KCMF1: variants seen among roughly 807,000 people sequenced by gnomAD.
KCMF1 encodes E3 ubiquitin-protein ligase KCMF1.
In KCMF1, 3 loss-of-function variants were observed where a neutral mutation model predicts 41.1. The ratio of observed to expected loss-of-function variants is 0.07; its 90% confidence interval spans 0.03 to 0.19. The LOEUF is 0.19. KCMF1 is among the 10% of genes least tolerant of loss of function. The pLI is 1.00. For missense variants in KCMF1, 286 were observed against 488.9 expected, an observed-to-expected ratio of 0.58 and a Z score of 3.91; for synonymous variants, 142 against 164.5, an observed-to-expected ratio of 0.86 and a Z score of 1.04.
At chr2:85,033,232 A>G (rs561562161) in intron 2 of KCMF1, among the ~76,000 whole-genome samples, 10 of 152,326 alleles carry the variant, frequency 6.6e-5, no homozygotes, top group Non-Finnish European at 1.0e-4. Context: ...CACGTAATGA[A>G]CACTTTCTTC....
chr2:85,020,716 G>A (rs1444954092), intron 1 of KCMF1, among the ~76,000 whole-genome samples: 1 of 152,134 alleles, frequency 6.6e-6, no homozygotes, highest in Non-Finnish European at 1.5e-5. Context: ...ACAGGCCTGA[G>A]CCACTGCGCC....
chr2:84,973,681 G>A (rs528665623), intron 1 of KCMF1, among the ~76,000 whole-genome samples: 1 of 152,226 alleles, frequency 6.6e-6, no homozygotes, highest in Admixed American at 6.5e-5. Context: ...TGTCATTATT[G>A]TCATCAGTAA....
chr2:85,045,310 T>C (rs1675637547), intron 4 of KCMF1, among the ~76,000 whole-genome samples: 1 of 152,020 alleles, frequency 6.6e-6, no homozygotes, highest in Non-Finnish European at 1.5e-5. Context: ...TCATATCACT[T>C]TCTCTAGAAC....
rs1676012156 is a variant in KCMF1, at chr2:85,059,425, T to A, written c.*6016T>A. The A allele has an allele frequency of 6.6e-6, 1 of 152,214 alleles. No homozygotes were observed. The highest frequency in any genetic ancestry group is 2.4e-5 in the African/African-American group (1 of 41,458). The allele number at this position is 152,214 out of a possible 1,614,324, so 9.4% of individuals were successfully genotyped here. A position where few individuals can be genotyped will look rare whatever the true frequency, so the allele number is the denominator to read the frequency against. On this transcript the variant is annotated 3_prime_UTR_variant, in exon 7 of 7. Transcript: ENST00000409785. Reference sequence around the variant, plus strand: ...TTACCTTTTATAACATCACCACCTGTCATGAAGCTTATCTGTTTTCTGATT... The same window carrying A: ...TTACCTTTTATAACATCACCACCTGACATGAAGCTTATCTGTTTTCTGATT...
chr2:85,049,177 A>G (rs1014835970), intron 5 of KCMF1, among the ~76,000 whole-genome samples, 189 bp from the exon 6 acceptor site: 2 of 152,260 alleles, frequency 1.3e-5, no homozygotes, highest in African/African-American at 4.8e-5. Context: ...ATGCATTTGC[A>G]TTCTCTGTCC....
chr2:85,002,508 T>A (rs1674358197), intron 1 of KCMF1, among the ~76,000 whole-genome samples: 1 of 152,222 alleles, frequency 6.6e-6, no homozygotes, highest in South Asian at 2.1e-4. Flanking sequence ...TGGTTTTTCC[T>A]AATGTTAATA....
intron 1 of KCMF1, among the ~76,000 whole-genome samples, chr2:84,996,655 C>G (rs1674183447): frequency 2.6e-5 from 4 of 152,028 alleles, no homozygotes; most frequent in Admixed American, 2.6e-4. Flanking sequence ...AGACTCGTCT[C>G]AAACTCCTGA....
chr2:85,034,070 C>A (rs1204893767), intron 2 of KCMF1, among the ~76,000 whole-genome samples: 1 of 151,610 alleles, frequency 6.6e-6, no homozygotes, highest in Non-Finnish European at 1.5e-5. Context: ...ATGGCACACA[C>A]CTGTAGTTCA....
In KCMF1 at chr2:85,049,593, G is replaced by A. The variant is rs1244587389; in HGVS notation, c.829G>A (p.Ala277Thr). 3 of 1,613,888 alleles carry A rather than the reference G, an allele frequency of 1.9e-6. No homozygotes were observed. The South Asian group carries it at 3.3e-5, about 18-fold the overall frequency. ...ACAATCCACAGCAACAACCAACATA[G>A]CTAATACAGAAAGCAGTCAGCAGAC... ...ITQSTATTNI[A>T]NTESSQQTLQ... is the part of the protein sequence containing the mutation. Residue 277 changes from alanine to threonine, a missense_variant, in exon 6 of 7, where the codon GCT becomes ACT. Coordinates refer to ENST00000409785, the MANE Select transcript of KCMF1 (RefSeq NM_020122.5).
intron 1 of KCMF1, among the ~76,000 whole-genome samples, chr2:85,022,725 A>G (rs1166658001): frequency 6.6e-6 from 1 of 152,198 alleles, no homozygotes; most frequent in Non-Finnish European, 1.5e-5. Flanking sequence ...TTGCATTTCA[A>G]GATCCGTAAA....
At chr2:84,983,502 T>C (rs1018225062) in intron 1 of KCMF1, among the ~76,000 whole-genome samples, 1 of 151,882 alleles carries the variant, frequency 6.6e-6, no homozygotes, top group African/African-American at 2.4e-5. Context: ...AACTTTTGTT[T>C]TGTTTTTTTT....
chr2:85,028,484 T>C (rs1416125990), intron 2 of KCMF1, among the ~76,000 whole-genome samples: 3 of 15,104 alleles, frequency 2.0e-4, no homozygotes, highest in South Asian at 3.9e-3. Flanking sequence ...TGTGCCTGGC[T>C]TTTTTTTTTT....
Position 85,054,984 on chromosome 2 carries a change from CTG to C in KCMF1, c.*1577_*1578del, listed in dbSNP as rs1675895118. ...GAAGTCACCCTACATGTCTGAAAAA[CTG>C]TTGCTTCTCCTCTGAAACTTCAAAC... On this transcript the variant is annotated 3_prime_UTR_variant, in exon 7 of 7. Coordinates refer to ENST00000409785, the MANE Select transcript of KCMF1 (RefSeq NM_020122.5). 6.6e-6 allele frequency: 1 copy of C among 152,206 alleles called. No individual in the cohort carries two copies. The highest frequency in any genetic ancestry group is 2.1e-4 in the South Asian group (1 of 4,834). 9.4% of individuals were successfully genotyped at this position (152,206 alleles called of 1,614,324 possible).
At chr2:85,052,217 G>A (rs759113327) in intron 6 of KCMF1, among the ~76,000 whole-genome samples, 3 of 152,030 alleles carry the variant, frequency 2.0e-5, no homozygotes, top group East Asian at 3.9e-4. Flanking sequence ...TTATAGGCAC[G>A]CACCCCCACA....
At chr2:85,006,546 A>G (rs1322117817) in intron 1 of KCMF1, among the ~76,000 whole-genome samples, 3 of 151,154 alleles carry the variant, frequency 2.0e-5, no homozygotes, top group African/African-American at 7.3e-5. Context: ...GTGATCCACC[A>G]CCTTGGTCTC....
chr2:84,993,188 G>GAA (rs547127154), intron 1 of KCMF1, among the ~76,000 whole-genome samples: 1 of 119,634 alleles, frequency 8.4e-6, no homozygotes, highest in East Asian at 2.3e-4. Flanking sequence ...CCCTGTGTCA[G>GAA]AAAAAAAAAA....
chr2:84,972,846 C>A (rs964461934), intron 1 of KCMF1, among the ~76,000 whole-genome samples: 2 of 152,140 alleles, frequency 1.3e-5, no homozygotes, highest in Non-Finnish European at 2.9e-5. Context: ...ACTATATTTT[C>A]TTCGCAAAGC....
At chr2:85,010,441 C>G (rs906630440) in intron 1 of KCMF1, among the ~76,000 whole-genome samples, 1 of 152,166 alleles carries the variant, frequency 6.6e-6, no homozygotes, top group Non-Finnish European at 1.5e-5. Flanking sequence ...TGTACTCCAG[C>G]CTGGGTGACC....
At chr2:85,043,147 G>A (rs141076724) in intron 3 of KCMF1, among the ~76,000 whole-genome samples, 2 of 152,202 alleles carry the variant, frequency 1.3e-5, no homozygotes, top group African/African-American at 4.8e-5. Flanking sequence ...GATCTCTGCT[G>A]TCTTATTTGG....
Sources: gnomAD v4.1 joint callset for allele counts (sites outside exome capture counted in the v4.1 genomes callset) on GRCh38, gnomAD v4.1.1 for gene constraint, MANE v1.5 for transcripts, NCBI Gene and HGNC (gene_info 2026-07-23, HGNC 2026-07-21) for gene names.